The following ARHGAP18 variants were observed in gnomAD, a reference collection of about 807,000 sequenced individuals.
ARHGAP18 encodes rho GTPase-activating protein 18.
ARHGAP18 carries 67 observed loss-of-function variants against 86.2 expected under a neutral mutation model. That is an observed-to-expected ratio of 0.78 (90% CI 0.64 to 0.95). The LOEUF is 0.95. ARHGAP18 is among the 40% of genes least tolerant of loss of function. ARHGAP18 has a pLI of 0.00. For synonymous variants in ARHGAP18, 283 were observed against 280.4 expected, an observed-to-expected ratio of 1.01 and a Z score of -0.09; for missense variants, 691 against 780.4, an observed-to-expected ratio of 0.89 and a Z score of 1.37.
chr6:129,612,927 G>C (rs1789008349), intron 7 of ARHGAP18, among the ~76,000 whole-genome samples: 1 of 152,118 alleles, frequency 6.6e-6, no homozygotes, highest in Admixed American at 6.6e-5. Context: ...AGCAGTACAG[G>C]ATTTTTAAAA....
intron 1 of ARHGAP18, among the ~76,000 whole-genome samples, chr6:129,678,217 C>T (rs1041513706): frequency 2.6e-5 from 4 of 152,262 alleles, no homozygotes; most frequent in Admixed American, 6.5e-5. Flanking sequence ...TTTGGGTCTC[C>T]GATCAATATT....
In ARHGAP18 at chr6:129,616,259, C is replaced by G. The variant is rs1172631163; in HGVS notation, c.997G>C (p.Asp333His). Residue 333 changes from aspartate (D) to histidine (H), a missense_variant, in exon 7 of 15, where the codon GAT becomes CAT. Transcript: ENST00000368149. ...CGCATTCCTGGTACTTTCCTCTGAT[C>G]TTGTTCTAATAGCGCTGTCAATGGA... ...CVPLTALLEQ[D>H]QRKVPGMRIP... The G allele has an allele frequency of 1.2e-6, 2 of 1,611,710 alleles. No individual in the cohort carries two copies. The highest frequency in any genetic ancestry group is 1.7e-5 in the Admixed American group (1 of 59,984).
At chr6:129,623,894 T>C (rs1789284742) in intron 5 of ARHGAP18, among the ~76,000 whole-genome samples, 1 of 152,204 alleles carries the variant, frequency 6.6e-6, no homozygotes. Context: ...CAGGAAAGAC[T>C]GAACAGGAAA....
intron 14 of ARHGAP18, among the ~76,000 whole-genome samples, chr6:129,579,727 G>C (rs1377957887): frequency 6.6e-6 from 1 of 152,098 alleles, no homozygotes; most frequent in Non-Finnish European, 1.5e-5. Context: ...TGTTATCTTA[G>C]CCTTATATAA....
chr6:129,641,766 C>T (rs1393541594), intron 2 of ARHGAP18, 50 bp downstream of exon 2: 3 of 1,497,970 alleles, frequency 2.0e-6, no homozygotes, highest in Non-Finnish European at 2.7e-6. Flanking sequence ...GCATTCATTT[C>T]CTATAAATAC....
At chr6:129,689,780 T>C (rs1175449438) in intron 1 of ARHGAP18, among the ~76,000 whole-genome samples, 3 of 152,204 alleles carry the variant, frequency 2.0e-5, no homozygotes, top group Non-Finnish European at 4.4e-5. Flanking sequence ...TTTCTGTTCC[T>C]CTATTTCATC....
At chr6:129,617,273 C>T (rs1234317742) in intron 6 of ARHGAP18, among the ~76,000 whole-genome samples, 2 of 152,152 alleles carry the variant, frequency 1.3e-5, no homozygotes, top group Admixed American at 6.5e-5. Context: ...ACTGAGTGGA[C>T]GGTTAGCACC....
chr6:129,686,664 T>C (rs1319289104), intron 1 of ARHGAP18, among the ~76,000 whole-genome samples: 1 of 152,242 alleles, frequency 6.6e-6, no homozygotes, highest in Non-Finnish European at 1.5e-5. Flanking sequence ...TTTGCAACTA[T>C]AGAAGTGTTT....
intron 2 of ARHGAP18, among the ~76,000 whole-genome samples, chr6:129,641,073 A>G (rs949550511): frequency 6.6e-6 from 1 of 152,220 alleles, no homozygotes; most frequent in African/African-American, 2.4e-5. Flanking sequence ...GAAGCTAAAA[A>G]CAGTAATGCC....
At chr6:129,587,501 T>G (rs1788418794) in intron 12 of ARHGAP18, among the ~76,000 whole-genome samples, 1 of 152,152 alleles carries the variant, frequency 6.6e-6, no homozygotes, top group Non-Finnish European at 1.5e-5. Context: ...AGGTAATTTA[T>G]AAAGAAAAGA....
intron 5 of ARHGAP18, among the ~76,000 whole-genome samples, chr6:129,625,044 A>AATATATAT (rs1789323674): frequency 1.3e-5 from 1 of 76,616 alleles, no homozygotes; most frequent in African/African-American, 6.3e-5. Flanking sequence ...TATTTATATA[A>AATATATAT]TATATATGAT....
chr6:129,693,747 T>C (rs1460289127), intron 1 of ARHGAP18, among the ~76,000 whole-genome samples: 1 of 150,464 alleles, frequency 6.6e-6, no homozygotes, highest in Non-Finnish European at 1.5e-5. Flanking sequence ...GGTCATGTCA[T>C]CTGGGACCAG....
At chr6:129,623,239 A>T (rs966927068) in intron 5 of ARHGAP18, among the ~76,000 whole-genome samples, 8 of 152,210 alleles carry the variant, frequency 5.3e-5, no homozygotes, top group African/African-American at 1.9e-4. Context: ...AAGAGAAAGG[A>T]TTCAAAAGCT....
At chr6:129,694,805 A>G (rs1036857861) in intron 1 of ARHGAP18, among the ~76,000 whole-genome samples, 4 of 152,234 alleles carry the variant, frequency 2.6e-5, no homozygotes, top group African/African-American at 9.6e-5. Flanking sequence ...TTTTCTCTAT[A>G]GAAGATATTA....
At chr6:129,625,219 G>C (rs200813304) in intron 5 of ARHGAP18, among the ~76,000 whole-genome samples, 5 of 44,866 alleles carry the variant, frequency 1.1e-4, no homozygotes, top group African/African-American at 5.8e-4. Context: ...TAATATATAT[G>C]ATATATGATA....
intron 12 of ARHGAP18, among the ~76,000 whole-genome samples, chr6:129,593,143 G>A (rs1374616266): frequency 6.6e-6 from 1 of 151,970 alleles, no homozygotes; most frequent in Non-Finnish European, 1.5e-5. Flanking sequence ...ACCCAATCAC[G>A]GTTTGCTTTT....
chr6:129,580,237 T>C (rs575402327), intron 13 of ARHGAP18, 106 bp from the exon 14 acceptor site: 1 of 925,398 alleles, frequency 1.1e-6, no homozygotes, highest in East Asian at 2.5e-5. Flanking sequence ...ATTCATAACT[T>C]AGACACACTG....
At chr6:129,686,978 CTTTTTTTTTT>C (rs71028176) in intron 1 of ARHGAP18, among the ~76,000 whole-genome samples, 1 of 106,940 alleles carries the variant, frequency 9.4e-6, no homozygotes, top group South Asian at 2.7e-4. Flanking sequence ...TTTTTTTTTT[CTTTTTTTTTT>C]TTTTTTTTGT....
Position 129,599,200 on chromosome 6 carries a change from T to A in ARHGAP18, c.1713+16A>T, listed in dbSNP as rs182167388. 83 of 1,517,746 alleles carry A rather than the reference T, an allele frequency of 5.5e-5. 1 individual carries two copies. In the African/African-American group the frequency reaches 9.1e-4, roughly 17 times the overall value. The allele number at this position is 1,517,746 out of a possible 1,614,324, so 94.0% of individuals were successfully genotyped here. On this transcript the variant is annotated intron_variant, in intron 12 of 14. Coordinates refer to ENST00000368149, the MANE Select transcript of ARHGAP18 (RefSeq NM_033515.3). ...CTTAAGATCTGAATAAATACATATC[T>A]CCACTATTTTCTTACATCATTTGTA...
Sources: gnomAD v4.1 joint callset for allele counts (sites outside exome capture counted in the v4.1 genomes callset) on GRCh38, gnomAD v4.1.1 for gene constraint, MANE v1.5 for transcripts, NCBI Gene and HGNC (gene_info 2026-07-23, HGNC 2026-07-21) for gene names.